The following XYLB variants were observed in gnomAD, a reference collection of about 807,000 sequenced individuals.
The protein encoded by XYLB is xylulokinase, also known as xylulose kinase.
In XYLB, 62 loss-of-function variants were observed where a neutral mutation model predicts 78.7. The observed-to-expected ratio is 0.79, with a 90% CI of 0.64 to 0.97. XYLB has a LOEUF of 0.97. Among genes scored for constraint, XYLB ranks in the 50% least tolerant of loss-of-function variants. The pLI is 0.00. For synonymous variants in XYLB, 245 were observed against 247.4 expected, an observed-to-expected ratio of 0.99 and a Z score of 0.09; for missense variants, 687 against 676.8, an observed-to-expected ratio of 1.02 and a Z score of -0.17.
intron 2 of XYLB, among the ~76,000 whole-genome samples, chr3:38,351,983 C>T (rs952279441): frequency 2.0e-5 from 3 of 152,132 alleles, no homozygotes; most frequent in African/African-American, 4.8e-5. Flanking sequence ...ATGAGAGTCA[C>T]ATACAAGTCT....
At position 38,407,406 on chromosome 3, in the gene XYLB, C is replaced by T. The variant is rs1227584494; in HGVS notation, c.1534-5530C>T. On this transcript the variant is annotated intron_variant, in intron 18 of 18. Transcript: ENST00000207870. ...AAGCACTAAACATGGAAAGGAACAA[C>T]CTGTACCAGCCACTGCAAAATCATG... 7.1e-3 allele frequency among the ~76,000 whole-genome samples: 1,081 copies of T among 152,298 alleles called. 9 individuals are homozygous for T. Among genetic ancestry groups the T allele is most frequent in the African/African-American group, 0.023 (974 of 41,544 alleles).
At chr3:38,374,647 G>A in intron 11 of XYLB, 145 bp downstream of exon 11, 1 of 969,400 alleles carries the variant, frequency 1.0e-6, no homozygotes, top group Non-Finnish European at 1.6e-6. Context: ...TTATCAGAGT[G>A]TCTGCCGGTT....
At chr3:38,445,765 C>T in the XYLB span, among the ~76,000 whole-genome samples, 1 of 152,190 alleles carries the variant, frequency 6.6e-6, no homozygotes, top group Non-Finnish European at 1.5e-5. Context: ...CCCAGAAAGC[C>T]TGACACCCAT....
intron 17 of XYLB, among the ~76,000 whole-genome samples, chr3:38,399,003 C>T (rs1708011124): frequency 6.6e-6 from 1 of 152,076 alleles, no homozygotes; most frequent in East Asian, 1.9e-4. Context: ...CGAGATCGCA[C>T]CACTGCACTC....
At chr3:38,408,140 C>A (rs1338282451) in intron 18 of XYLB, among the ~76,000 whole-genome samples, 1 of 151,594 alleles carries the variant, frequency 6.6e-6, no homozygotes, top group East Asian at 1.9e-4. Flanking sequence ...GGAAGTAAAG[C>A]TCTCCTCAGC....
the XYLB span, among the ~76,000 whole-genome samples, chr3:38,428,226 T>C: frequency 6.6e-6 from 1 of 152,226 alleles, no homozygotes; most frequent in South Asian, 2.1e-4. Context: ...TACTGACATT[T>C]ATTTTTTGGC....
chr3:38,396,710 G>A (rs897928046), intron 16 of XYLB, among the ~76,000 whole-genome samples: 2 of 152,176 alleles, frequency 1.3e-5, no homozygotes, highest in Non-Finnish European at 2.9e-5. Context: ...ACATGCTCTT[G>A]TTAGCTTGGG....
At chr3:38,364,102 A>G (rs704940) in intron 4 of XYLB, among the ~76,000 whole-genome samples, 135,992 of 151,906 alleles carry the variant, frequency 0.9, 61,418 homozygotes, top group East Asian at 1. Context: ...GATGCCTCAG[A>G]CTTAGCATGT....
At chr3:38,383,934 G>GTAACT (rs1707264890) in intron 15 of XYLB, among the ~76,000 whole-genome samples, 1 of 152,188 alleles carries the variant, frequency 6.6e-6, no homozygotes, top group South Asian at 2.1e-4. Context: ...TATATGCAAA[G>GTAACT]GGTGTATACA....
chr3:38,350,371 A>G (rs1345357584), intron 2 of XYLB, among the ~76,000 whole-genome samples: 2 of 152,236 alleles, frequency 1.3e-5, no homozygotes, highest in Non-Finnish European at 2.9e-5. Flanking sequence ...AGTGTTGTTC[A>G]TAATATTCCT....
At chr3:38,359,215 T>C (rs111531492) in intron 2 of XYLB, among the ~76,000 whole-genome samples, 4,850 of 152,382 alleles carry the variant, frequency 0.032, 115 homozygotes, top group African/African-American at 0.062. Flanking sequence ...AAACAGGCTG[T>C]GGCTGATTAT....
At chr3:38,383,954 G>A (rs2125622322) in intron 15 of XYLB, among the ~76,000 whole-genome samples, 1 of 152,300 alleles carries the variant, frequency 6.6e-6, no homozygotes, top group East Asian at 1.9e-4. Context: ...AAGAACCAAA[G>A]TTTGTCAGAA....
intron 15 of XYLB, 132 bp from the exon 16 acceptor site, chr3:38,395,373 G>A (rs139092238): frequency 6.9e-4 from 539 of 783,178 alleles, no homozygotes; most frequent in Middle Eastern, 3.7e-3. Flanking sequence ...GATCTCTCCC[G>A]TAGTCCTGTG....
At chr3:38,432,560 C>T in the XYLB span, among the ~76,000 whole-genome samples, 9 of 150,582 alleles carry the variant, frequency 6.0e-5, no homozygotes, top group African/African-American at 1.5e-4. Flanking sequence ...AGCTAGACTC[C>T]GTCAAAAAAA....
intron 18 of XYLB, among the ~76,000 whole-genome samples, chr3:38,406,754 G>A (rs1425504366): frequency 3.9e-5 from 6 of 152,176 alleles, no homozygotes; most frequent in South Asian, 2.1e-4. Flanking sequence ...CTCAGGAGCC[G>A]ATGCGATCAG....
Position 38,374,453 on chromosome 3 carries a change from C to T in XYLB, c.848-9C>T, listed in dbSNP as rs373358785. 2.5e-6 allele frequency: 4 copies of T among 1,614,070 alleles called. No homozygotes were observed. In the Admixed American group the frequency reaches 5.0e-5, roughly 20 times the overall value. On this transcript the variant is annotated splice_polypyrimidine_tract_variant and intron_variant, in intron 10 of 18. Transcript: ENST00000207870. ...GCCAGCTAACCAGAAGCTCCCCTCC[C>T]ATTCTCAGCGTCGCTGGCAGGCATG...
chr3:38,426,356 A>C, the XYLB span, among the ~76,000 whole-genome samples: 1 of 152,234 alleles, frequency 6.6e-6, no homozygotes, highest in Admixed American at 6.5e-5. Context: ...ATTACTCCTC[A>C]TCTGTATAAT....
intron 2 of XYLB, among the ~76,000 whole-genome samples, chr3:38,359,691 T>C (rs186208450): frequency 1.3e-5 from 2 of 152,366 alleles, no homozygotes; most frequent in Admixed American, 6.5e-5. Context: ...CTGCTATGAA[T>C]ATTTGTGTAC....
At chr3:38,350,963 G>A (rs745492546) in intron 2 of XYLB, among the ~76,000 whole-genome samples, 1 of 151,718 alleles carries the variant, frequency 6.6e-6, no homozygotes, top group Non-Finnish European at 1.5e-5. Context: ...CCAACATGGT[G>A]AAACCCTGTT....
Sources: allele counts gnomAD v4.1 joint callset (sites outside exome capture counted in the v4.1 genomes callset), GRCh38; gene constraint gnomAD v4.1.1; transcripts MANE v1.5; gene names NCBI Gene and HGNC (gene_info 2026-07-23, HGNC 2026-07-21).